PIEZO2: variants seen among roughly 807,000 people sequenced by gnomAD.
PIEZO2 encodes piezo type mechanosensitive ion channel component 2, also known as piezo-type mechanosensitive ion channel component 2.
Under a neutral mutation model 337.3 loss-of-function variants are expected in PIEZO2, and 172 were observed. The observed-to-expected ratio is 0.51, with a 90% CI of 0.45 to 0.58. PIEZO2 has a LOEUF of 0.58. Ranked by LOEUF, PIEZO2 falls within the 20% of genes least tolerant of loss-of-function variation. PIEZO2 has a pLI of 0.00. For missense variants in PIEZO2, 3,028 were observed against 3,391.3 expected, an observed-to-expected ratio of 0.89 and a Z score of 2.66; for synonymous variants, 1,251 against 1,228.5, an observed-to-expected ratio of 1.02 and a Z score of -0.38.
At chr18:10,886,487 C>CAT in intron 4 of PIEZO2, among the ~76,000 whole-genome samples, 746 of 45,870 alleles carry the variant, frequency 0.016, 143 homozygotes, top group African/African-American at 0.084. Context: ...ATATCCAAAC[C>CAT]ATATATATAT....
intron 7 of PIEZO2, among the ~76,000 whole-genome samples, chr18:10,842,760 G>A (rs2144615687): frequency 6.6e-6 from 1 of 152,306 alleles, no homozygotes; most frequent in Non-Finnish European, 1.5e-5. Flanking sequence ...TGTGTTTATG[G>A]CAAAACTTAT....
At chr18:11,088,273 G>C (rs1306361446) in intron 1 of PIEZO2, among the ~76,000 whole-genome samples, 1 of 152,124 alleles carries the variant, frequency 6.6e-6, no homozygotes, top group Non-Finnish European at 1.5e-5. Context: ...AGAGGACAGA[G>C]CTCCCACTCT....
chr18:10,930,949 G>A (rs938562742), intron 3 of PIEZO2, among the ~76,000 whole-genome samples: 4 of 152,042 alleles, frequency 2.6e-5, no homozygotes, highest in African/African-American at 9.7e-5. Flanking sequence ...GTTTTTCTAA[G>A]CCTTTTTACT....
chr18:11,147,298 C>T (rs1312327776), intron 1 of PIEZO2, among the ~76,000 whole-genome samples: 1 of 152,132 alleles, frequency 6.6e-6, no homozygotes, highest in Non-Finnish European at 1.5e-5. Context: ...CGGGACCCCG[C>T]CTGGCCACAC....
At position 11,143,633 on chromosome 18, in the gene PIEZO2, ACACACACTCTCT is replaced by A. The variant is rs1184804406; in HGVS notation, c.64+4880_64+4891del. On this transcript the variant is annotated intron_variant, in intron 1 of 55. Coordinates refer to ENST00000674853, the MANE Select transcript of PIEZO2 (RefSeq NM_001378183.1). The surrounding 1 kb of genome is among the most constrained non-coding windows in gnomAD (Gnocchi z 4.9). The stretch of plus-strand genomic sequence containing the variant: ...CACACACACACACACACACACACAC[ACACACACTCTCT>A]CTCTCTCTCTCTCTCTCTCTCTCTC... Among the ~76,000 whole-genome samples, 5 of 68,924 alleles carry A rather than the reference ACACACACTCTCT, an allele frequency of 7.3e-5. No individual in the cohort carries two copies. Among genetic ancestry groups the A allele is most frequent in the African/African-American group, 4.0e-4 (5 of 12,372 alleles). The allele number at this position is 68,924 out of a possible 152,430, so 45.2% of individuals were successfully genotyped here.
chr18:11,110,677 C>T lies in PIEZO2; in HGVS notation c.64+37848G>A, dbSNP rs1243391404. Among the ~76,000 whole-genome samples the T allele has an allele frequency of 6.6e-6, 1 of 152,214 alleles. No homozygotes were observed. The highest frequency in any genetic ancestry group is 2.4e-5 in the African/African-American group (1 of 41,458). On this transcript the variant is annotated intron_variant, in intron 1 of 55. Transcript: ENST00000674853. The surrounding 1 kb of genome is among the most constrained non-coding windows in gnomAD (Gnocchi z 4.2). Reference sequence around the variant, plus strand: ...GTCAGTGGCCTCTGATGCGATGCCTCGTCATCCTTTCCGCCCCTCCCCGCC... The same window carrying T: ...GTCAGTGGCCTCTGATGCGATGCCTTGTCATCCTTTCCGCCCCTCCCCGCC...
intron 36 of PIEZO2, among the ~76,000 whole-genome samples, chr18:10,728,736 A>G (rs1222864230): frequency 6.6e-6 from 1 of 151,966 alleles, no homozygotes; most frequent in Admixed American, 6.6e-5. Flanking sequence ...CGGGCGGATC[A>G]TGAGGTCAGA....
intron 2 of PIEZO2, among the ~76,000 whole-genome samples, chr18:10,998,093 A>G (rs971973334): frequency 1.3e-5 from 2 of 152,224 alleles, no homozygotes; most frequent in African/African-American, 4.8e-5. Flanking sequence ...AGACTAGCAT[A>G]CAGTGGAACA....
rs976588633 is a variant in PIEZO2, at chr18:10,824,422, T to C, written c.918-17148A>G. On this transcript the variant is annotated intron_variant, in intron 7 of 55. Coordinates refer to ENST00000674853, the MANE Select transcript of PIEZO2 (RefSeq NM_001378183.1). The surrounding 1 kb of genome is among the most constrained non-coding windows in gnomAD (Gnocchi z 4.4). ...ATTTAGATACAGACAAGTTATTGCA[T>C]ATATGCTTTCATGTTTATTTAAGGA... 4.7e-4 allele frequency among the ~76,000 whole-genome samples: 72 copies of C among 152,362 alleles called. 1 individual carries two copies. Among genetic ancestry groups the C allele is most frequent in the African/African-American group, 1.6e-3 (68 of 41,586 alleles).
At position 10,726,477 on chromosome 18, in the gene PIEZO2, C is replaced by G; in HGVS notation, c.5029+4930G>C. 6.6e-7 allele frequency: 1 copy of G among 1,522,826 alleles called. No individual in the cohort carries two copies. Among genetic ancestry groups the G allele is most frequent in the Non-Finnish European group, 8.8e-7 (1 of 1,141,070 alleles). 94.3% of individuals were successfully genotyped at this position (1,522,826 alleles called of 1,614,324 possible). On this transcript the variant is annotated intron_variant, in intron 36 of 55. Transcript: ENST00000674853. The surrounding 1 kb of genome is among the most constrained non-coding windows in gnomAD (Gnocchi z 5.9). ...GAACCCCACGAGGAGGGCCTGGCCA[C>G]CCTGCACAGCGTGCTGCTCCGCAAG...
chr18:10,701,676 G>A (rs1049201511), intron 43 of PIEZO2, among the ~76,000 whole-genome samples: 1 of 152,204 alleles, frequency 6.6e-6, no homozygotes, highest in African/African-American at 2.4e-5. Flanking sequence ...CATCATTCAA[G>A]CAATGTTCCA....
rs558400635 is a variant in PIEZO2 at position 11,035,319 on chromosome 18, C to G, written c.160+30808G>C. On this transcript the variant is annotated intron_variant, in intron 2 of 55. Transcript: ENST00000674853. The surrounding 1 kb of genome is among the most constrained non-coding windows in gnomAD (Gnocchi z 4.3). ...TGGCACCTTCTCTCTCTCTCCCTCT[C>G]TCTCTCTCTCTCTCTTTCTCTCTCT... Among the ~76,000 whole-genome samples the G allele has an allele frequency of 6.6e-5, 4 of 60,806 alleles. No homozygotes were observed. The East Asian group carries it at 1.9e-3, about 30-fold the overall frequency. The allele number at this position is 60,806 out of a possible 152,430, so 39.9% of individuals were successfully genotyped here.
At chr18:11,098,902 A>G (rs767259673) in intron 1 of PIEZO2, among the ~76,000 whole-genome samples, 1 of 151,902 alleles carries the variant, frequency 6.6e-6, no homozygotes, top group African/African-American at 2.4e-5. Context: ...GGCTCAAGCG[A>G]TCCTCCCACC....
At position 11,127,096 on chromosome 18, in the gene PIEZO2, A is replaced by T. The variant is rs182796200; in HGVS notation, c.64+21429T>A. On this transcript the variant is annotated intron_variant, in intron 1 of 55. Transcript: ENST00000674853. This position sits in a 1 kb window ranked among gnomAD's most constrained non-coding sequence, Gnocchi z 4.5. ...AGGCAGGAGGCAGATATTACTAACC[A>T]AACTCACTAACATGAAAGAATTGAG... Among the ~76,000 whole-genome samples the T allele has an allele frequency of 6.6e-6, 1 of 152,320 alleles. No individual in the cohort carries two copies. The highest frequency in any genetic ancestry group is 1.9e-4 in the East Asian group (1 of 5,184).
intron 4 of PIEZO2, among the ~76,000 whole-genome samples, chr18:10,883,874 G>A (rs1293969062): frequency 3.4e-5 from 5 of 147,578 alleles, no homozygotes; most frequent in African/African-American, 7.6e-5. Context: ...GCAGTGGCAC[G>A]ATCTTGGCTC....
chr18:11,097,157 C>T lies in PIEZO2; in HGVS notation c.65-30935G>A, dbSNP rs1025848930. ...CAGGTGTCTGCAAACTACATCCCTC[C>T]GGCTAAATCCCGCCCCACAAACTAA... is the stretch of plus-strand genomic sequence containing the variant. On this transcript the variant is annotated intron_variant, in intron 1 of 55. Transcript: ENST00000674853. The surrounding 1 kb of genome is among the most constrained non-coding windows in gnomAD (Gnocchi z 5.0). Among the ~76,000 whole-genome samples the T allele has an allele frequency of 2.0e-5, 3 of 152,176 alleles. No individual in the cohort carries two copies. The highest frequency in any genetic ancestry group is 1.9e-4 in the East Asian group (1 of 5,180).
intron 7 of PIEZO2, among the ~76,000 whole-genome samples, chr18:10,826,619 C>G (rs1327811689): frequency 6.6e-6 from 1 of 152,184 alleles, no homozygotes; most frequent in African/African-American, 2.4e-5. Context: ...TTCCATCTTC[C>G]TTCAGTGAAA....
intron 7 of PIEZO2, among the ~76,000 whole-genome samples, chr18:10,851,249 A>C (rs1229966660): frequency 6.6e-6 from 1 of 151,184 alleles, no homozygotes; most frequent in Non-Finnish European, 1.5e-5. Context: ...CCCTAGGATA[A>C]AGCTATGGTT....
intron 1 of PIEZO2, among the ~76,000 whole-genome samples, chr18:11,091,825 C>T (rs2039101201): frequency 6.6e-6 from 1 of 152,132 alleles, no homozygotes; most frequent in Admixed American, 6.5e-5. Context: ...GAACTGAACC[C>T]CAGTGGCAGC....
Sources: gnomAD v4.1 joint callset for allele counts (sites outside exome capture counted in the v4.1 genomes callset) on GRCh38, gnomAD v4.1.1 for gene constraint, Gnocchi (gnomAD v3.1) non-coding constraint, MANE v1.5 for transcripts, NCBI Gene and HGNC (gene_info 2026-07-23, HGNC 2026-07-21) for gene names.